The following TPD52L1 variants were observed in gnomAD, a reference collection of about 807,000 sequenced individuals.
TPD52L1 encodes tumor protein D53.
Under a neutral mutation model 28.7 loss-of-function variants are expected in TPD52L1, and 18 were observed. The observed-to-expected ratio is 0.63, with a 90% CI of 0.43 to 0.93. TPD52L1 has a LOEUF of 0.93. TPD52L1 is among the 40% of genes least tolerant of loss of function. The pLI, the probability that TPD52L1 is intolerant of heterozygous loss-of-function variation, is 0.00. For missense variants in TPD52L1, 203 were observed against 254.8 expected (o/e 0.80, Z 1.39); for synonymous variants, 75 against 88.8 (o/e 0.84, Z 0.88).
chr6:125,209,734 T>G (rs557410456), intron 1 of TPD52L1, among the ~76,000 whole-genome samples: 1 of 152,236 alleles, frequency 6.6e-6, no homozygotes, highest in African/African-American at 2.4e-5. Context: ...TGAAGGGGGC[T>G]GGGCTCAGGG....
At chr6:125,165,026 C>T (rs957858808) in intron 1 of TPD52L1, among the ~76,000 whole-genome samples, 1 of 139,958 alleles carries the variant, frequency 7.1e-6, no homozygotes, top group Non-Finnish European at 1.5e-5. Flanking sequence ...GGCAGTGGGA[C>T]CACTTGAGCT....
intron 3 of TPD52L1, among the ~76,000 whole-genome samples, chr6:125,247,281 G>T (rs901647222): frequency 1.3e-5 from 2 of 151,390 alleles, no homozygotes; most frequent in South Asian, 2.1e-4. Flanking sequence ...AGATTTGAGG[G>T]TTTTTTTTAA....
intron 1 of TPD52L1, among the ~76,000 whole-genome samples, chr6:125,155,080 T>C (rs1306126257): frequency 1.3e-5 from 2 of 152,216 alleles, no homozygotes; most frequent in Non-Finnish European, 2.9e-5. Context: ...AGCACGAACC[T>C]TACTCGTTTG....
At chr6:125,196,875 TTCCTC>T (rs2114881056) in intron 1 of TPD52L1, among the ~76,000 whole-genome samples, 1 of 152,302 alleles carries the variant, frequency 6.6e-6, no homozygotes, top group South Asian at 2.1e-4. Flanking sequence ...AGCATTGGAA[TTCCTC>T]TCCCATAGTA....
intron 1 of TPD52L1, among the ~76,000 whole-genome samples, chr6:125,162,266 A>G (rs1790565996): frequency 6.6e-6 from 1 of 152,180 alleles, no homozygotes; most frequent in African/African-American, 2.4e-5. Flanking sequence ...CCACTGTTTT[A>G]TTTTAAATTA....
intron 1 of TPD52L1, among the ~76,000 whole-genome samples, chr6:125,162,434 T>TA (rs1242442673): frequency 3.9e-5 from 6 of 152,326 alleles, no homozygotes; most frequent in African/African-American, 1.4e-4. Flanking sequence ...TTGTGGCCTA[T>TA]AAGAAGATGT....
chr6:125,222,959 G>A (rs539295803), intron 2 of TPD52L1, among the ~76,000 whole-genome samples: 1 of 152,278 alleles, frequency 6.6e-6, no homozygotes, highest in South Asian at 2.1e-4. Context: ...TATGAAAAAT[G>A]CTGTAATCCT....
intron 1 of TPD52L1, among the ~76,000 whole-genome samples, chr6:125,166,726 A>G (rs1203893793): frequency 6.6e-6 from 1 of 151,878 alleles, no homozygotes; most frequent in Non-Finnish European, 1.5e-5. Context: ...TTACTACAGG[A>G]AAGGGAGGTG....
intron 3 of TPD52L1, among the ~76,000 whole-genome samples, chr6:125,232,861 T>C (rs1796030160): frequency 6.6e-6 from 1 of 152,180 alleles, no homozygotes; most frequent in Non-Finnish European, 1.5e-5. Flanking sequence ...GTTTTTTACT[T>C]GCCTAGATTT....
chr6:125,157,803 CA>C (rs72122549), intron 1 of TPD52L1, among the ~76,000 whole-genome samples: 28,622 of 152,050 alleles, frequency 0.19, 3,955 homozygotes, highest in African/African-American at 0.39. Context: ...GTTAGTTTCT[CA>C]AGGCCACTGT....
chr6:125,187,865 T>TC (rs1792744019), intron 1 of TPD52L1, among the ~76,000 whole-genome samples: 1 of 150,742 alleles, frequency 6.6e-6, no homozygotes, highest in Non-Finnish European at 1.5e-5. Flanking sequence ...TTATTTGTAA[T>TC]CCCCCCTTAA....
chr6:125,237,897 T>C (rs1384593847), intron 3 of TPD52L1, among the ~76,000 whole-genome samples: 1 of 152,114 alleles, frequency 6.6e-6, no homozygotes, highest in Non-Finnish European at 1.5e-5. Context: ...TGACCTCAGG[T>C]GATCCACCCT....
chr6:125,199,400 A>T, intron 1 of TPD52L1, among the ~76,000 whole-genome samples: 1 of 152,248 alleles, frequency 6.6e-6, no homozygotes, highest in East Asian at 1.9e-4. Flanking sequence ...TGAAAGTAAA[A>T]GAGGCCAGGC....
Position 125,264,391 on chromosome 6 carries a change from GA to G in TPD52L1, c.*1434del, listed in dbSNP as rs1467966963. The G allele has an allele frequency of 6.6e-6, 1 of 152,174 alleles. No homozygotes were observed. The highest frequency in any genetic ancestry group is 1.5e-5 in the Non-Finnish European group (1 of 68,044). The allele number at this position is 152,174 out of a possible 1,614,324, so 9.4% of individuals were successfully genotyped here. On this transcript the variant is annotated 3_prime_UTR_variant, in exon 7 of 7. Transcript: ENST00000534000. ...TGACATTTTGAAGTAAAGCACATCT[GA>G]AAAATTCTACTCAAATTAATGGAGC...
At chr6:125,155,164 G>A (rs562128985) in intron 1 of TPD52L1, among the ~76,000 whole-genome samples, 21 of 152,360 alleles carry the variant, frequency 1.4e-4, no homozygotes, top group African/African-American at 4.8e-4. Flanking sequence ...GATAGGAAAT[G>A]ATAATTCAAC....
At chr6:125,227,550 A>G (rs1795688771) in intron 2 of TPD52L1, among the ~76,000 whole-genome samples, 1 of 152,180 alleles carries the variant, frequency 6.6e-6, no homozygotes, top group South Asian at 2.1e-4. Context: ...TTTAGTAAGA[A>G]ATCCACTAAA....
At chr6:125,202,088 G>A (rs867757402) in intron 1 of TPD52L1, among the ~76,000 whole-genome samples, 3 of 152,270 alleles carry the variant, frequency 2.0e-5, no homozygotes, top group East Asian at 1.9e-4. Context: ...GGGTCCAGGC[G>A]TGATGTGTTT....
intron 1 of TPD52L1, among the ~76,000 whole-genome samples, chr6:125,192,970 T>C (rs956226729): frequency 1.3e-5 from 2 of 152,266 alleles, no homozygotes; most frequent in African/African-American, 4.8e-5. Flanking sequence ...AACATCTATT[T>C]ATTATCCTTA....
intron 1 of TPD52L1, among the ~76,000 whole-genome samples, chr6:125,200,576 C>G (rs971908161): frequency 6.6e-6 from 1 of 152,158 alleles, no homozygotes; most frequent in Non-Finnish European, 1.5e-5. Flanking sequence ...CCAACCTCAC[C>G]CTTTTGCAGC....
Sources: allele counts gnomAD v4.1 joint callset (sites outside exome capture counted in the v4.1 genomes callset), GRCh38; gene constraint gnomAD v4.1.1; transcripts MANE v1.5; gene names NCBI Gene and HGNC (gene_info 2026-07-23, HGNC 2026-07-21).